MELK: variants seen among roughly 807,000 people sequenced by gnomAD.
The protein encoded by MELK is maternal embryonic leucine zipper kinase, also known as pEg3 kinase.
In MELK, 81 loss-of-function variants were observed where a neutral mutation model predicts 85.0. The ratio of observed to expected loss-of-function variants is 0.95; its 90% CI spans 0.80 to 1.15. MELK has a LOEUF of 1.15. Ranked by LOEUF, MELK falls within the 50% of genes most tolerant of loss-of-function variation. The probability of loss-of-function intolerance (pLI) is 0.00; values close to 1 mark genes in which losing one functional copy is unlikely to be tolerated. For synonymous variants in MELK, 252 were observed against 265.0 expected (o/e 0.95, Z 0.48); for missense variants, 754 against 777.5 (o/e 0.97, Z 0.36).
intron 9 of MELK, among the ~76,000 whole-genome samples, chr9:36,631,316 G>A (rs759650123): frequency 6.0e-5 from 9 of 151,146 alleles, no homozygotes; most frequent in Non-Finnish European, 1.0e-4. Flanking sequence ...GGAGTGCAAC[G>A]GTGCGATCTT....
At chr9:36,648,410 G>T (rs1830410693) in intron 11 of MELK, among the ~76,000 whole-genome samples, 1 of 152,142 alleles carries the variant, frequency 6.6e-6, no homozygotes, top group South Asian at 2.1e-4. Context: ...AAGTGAAGAG[G>T]AAAAACAGGA....
intron 8 of MELK, among the ~76,000 whole-genome samples, chr9:36,623,706 G>T (rs2136280445): frequency 6.6e-6 from 1 of 152,344 alleles, no homozygotes; most frequent in Admixed American, 6.5e-5. Flanking sequence ...AGCCTTTCTT[G>T]CTGCACTGAG....
rs1447113603 is a variant in MELK, at chr9:36,633,097, A to G, written c.736-5A>G. ...AATCTCTAGCTACTTTTTAATGGCC[A>G]CTAGGTGGACCCAAAGAAACGGATT... On this transcript the variant is annotated splice_polypyrimidine_tract_variant and splice_region_variant and intron_variant, in intron 9 of 17. Coordinates refer to ENST00000298048, the MANE Select transcript of MELK (RefSeq NM_014791.4). 1 of 1,600,764 alleles carries G rather than the reference A, an allele frequency of 6.2e-7. No individual in the cohort carries two copies. The highest frequency in any genetic ancestry group is 2.2e-5 in the East Asian group (1 of 44,742).
At chr9:36,649,123 A>G (rs541938590) in intron 11 of MELK, among the ~76,000 whole-genome samples, 3 of 152,206 alleles carry the variant, frequency 2.0e-5, no homozygotes, top group Non-Finnish European at 4.4e-5. Flanking sequence ...AAAATCTAAA[A>G]TGTGACCACA....
rs1337485016 is a variant in MELK at position 36,641,622 on chromosome 9, T to TC, written c.835-1375_835-1374insC. Among the ~76,000 whole-genome samples, 27 of 149,908 alleles carry TC rather than the reference T, an allele frequency of 1.8e-4. 1 individual carries two copies. The highest frequency in any genetic ancestry group is 6.3e-4 in the South Asian group (3 of 4,738). Reference sequence around the variant, plus strand: ...GAGAGATTTTTTTTTTTTTTTTTTTTTGGAGATGGAGTTTCACTGTTGTTG... The same window carrying TC: ...GAGAGATTTTTTTTTTTTTTTTTTTTCTGGAGATGGAGTTTCACTGTTGTTG... On this transcript the variant is annotated intron_variant, in intron 10 of 17. Coordinates refer to ENST00000298048, the MANE Select transcript of MELK (RefSeq NM_014791.4).
chr9:36,606,083 C>T (rs1417403847), intron 7 of MELK, among the ~76,000 whole-genome samples: 2 of 151,990 alleles, frequency 1.3e-5, no homozygotes, highest in Non-Finnish European at 1.5e-5. Context: ...GCTTAGGACT[C>T]ATGGGACACA....
At chr9:36,577,584 A>G (rs1821781058) in intron 1 of MELK, among the ~76,000 whole-genome samples, 3 of 151,864 alleles carry the variant, frequency 2.0e-5, no homozygotes, top group Admixed American at 2.0e-4. Context: ...CACCCACCTC[A>G]GCCTGCCAAA....
At chr9:36,666,079 G>A (rs1405986179) in intron 14 of MELK, among the ~76,000 whole-genome samples, 4 of 152,102 alleles carry the variant, frequency 2.6e-5, no homozygotes, top group Non-Finnish European at 4.4e-5. Flanking sequence ...CAGCAGGCAG[G>A]GTGAATCCAT....
In MELK at chr9:36,677,002, C is replaced by T. The variant is rs186517710; in HGVS notation, c.1779-158C>T. ...GGAAAACACCAGTCATACTCTATTA[C>T]TAAAGCATAGCTAGGTCATTTGGAA... On this transcript the variant is annotated intron_variant, in intron 17 of 17. Transcript: ENST00000298048. Among the ~76,000 whole-genome samples the T allele has an allele frequency of 1.0e-3, 152 of 152,304 alleles. 1 individual carries two copies. The highest frequency in any genetic ancestry group is 4.3e-4 in the Non-Finnish European group (29 of 68,016).
chr9:36,649,918 CTATTT>C (rs1210546018), intron 11 of MELK, among the ~76,000 whole-genome samples: 1 of 151,454 alleles, frequency 6.6e-6, no homozygotes, highest in Non-Finnish European at 1.5e-5. Flanking sequence ...GATCCTATCT[CTATTT>C]AATTTAATTT....
chr9:36,642,824 C>T (rs1246546068), intron 10 of MELK, among the ~76,000 whole-genome samples, 173 bp from the exon 11 acceptor site: 3 of 152,066 alleles, frequency 2.0e-5, no homozygotes, highest in African/African-American at 7.2e-5. Flanking sequence ...CTGGAATATG[C>T]TTACTTCTTA....
chr9:36,649,809 G>A (rs982826014), intron 11 of MELK, among the ~76,000 whole-genome samples: 6 of 152,086 alleles, frequency 3.9e-5, no homozygotes, highest in African/African-American at 1.4e-4. Flanking sequence ...ATTCCAGGCC[G>A]GGCACTATGG....
chr9:36,635,006 T>G (rs571647330), intron 10 of MELK, among the ~76,000 whole-genome samples: 33 of 152,238 alleles, frequency 2.2e-4, no homozygotes, highest in Middle Eastern at 3.4e-3. Context: ...ATACAGGTGC[T>G]TTTCCTCGAG....
intron 13 of MELK, among the ~76,000 whole-genome samples, chr9:36,660,916 G>T (rs1012189230): frequency 2.0e-5 from 3 of 152,104 alleles, no homozygotes; most frequent in Non-Finnish European, 4.4e-5. Context: ...GCTTGAACCC[G>T]GGAGGTGGAG....
intron 10 of MELK, among the ~76,000 whole-genome samples, chr9:36,634,556 C>CA (rs1216647989): frequency 4.0e-5 from 6 of 151,814 alleles, no homozygotes; most frequent in African/African-American, 1.5e-4. Context: ...ACTAAAAATG[C>CA]AAAAAATTAG....
intron 15 of MELK, among the ~76,000 whole-genome samples, chr9:36,670,263 A>G (rs1427920992): frequency 6.6e-6 from 1 of 152,182 alleles, no homozygotes; most frequent in Admixed American, 6.5e-5. Context: ...TTTCAGTGCA[A>G]TGGTACTATG....
intron 10 of MELK, among the ~76,000 whole-genome samples, chr9:36,640,879 A>C (rs1829694410): frequency 6.6e-6 from 1 of 152,222 alleles, no homozygotes; most frequent in Non-Finnish European, 1.5e-5. Flanking sequence ...GTATGAATTG[A>C]GGGGAAAAAT....
chr9:36,648,801 A>T lies in MELK; in HGVS notation c.922-2945A>T, dbSNP rs958514273. Among the ~76,000 whole-genome samples the T allele has an allele frequency of 2.0e-5, 3 of 152,336 alleles. No individual in the cohort carries two copies. The East Asian group carries it at 5.8e-4, about 29-fold the overall frequency. The stretch of plus-strand genomic sequence containing the variant: ...AGCCTTCAAGGTATTGAGCAGCCCC[A>T]TCATACACATAGAACCTCTCATCAG... On this transcript the variant is annotated intron_variant, in intron 11 of 17. Transcript: ENST00000298048.
chr9:36,647,875 C>A (rs1011386208), intron 11 of MELK, among the ~76,000 whole-genome samples: 1 of 152,110 alleles, frequency 6.6e-6, no homozygotes, highest in Non-Finnish European at 1.5e-5. Context: ...TTTTATGCTT[C>A]CCCTACTAGA....
Sources: gnomAD v4.1 joint callset for allele counts (sites outside exome capture counted in the v4.1 genomes callset) on GRCh38, gnomAD v4.1.1 for gene constraint, MANE v1.5 for transcripts, NCBI Gene and HGNC (gene_info 2026-07-23, HGNC 2026-07-21) for gene names.